AXDND1: variants seen among roughly 807,000 people sequenced by gnomAD.
AXDND1 encodes the protein axonemal dynein light chain domain containing 1, also known as axonemal dynein light chain domain-containing protein 1.
AXDND1 carries 110 observed loss-of-function variants against 137.5 expected under a neutral mutation model. The ratio of observed to expected loss-of-function variants is 0.80; its 90% CI spans 0.69 to 0.94. The LOEUF is 0.94. Among genes scored for constraint, AXDND1 ranks in the 40% least tolerant of loss-of-function variants. The pLI is 0.00. For missense variants in AXDND1, 1,191 were observed against 1,169.8 expected, an observed-to-expected ratio of 1.02 and a Z score of -0.26; for synonymous variants, 414 against 399.7, an observed-to-expected ratio of 1.04 and a Z score of -0.43.
chr1:179,481,781 C>T (rs561831045), intron 17 of AXDND1, among the ~76,000 whole-genome samples: 15 of 152,202 alleles, frequency 9.9e-5, no homozygotes, highest in Non-Finnish European at 1.8e-4. Context: ...CATAAATTAT[C>T]TATTGTTTTC....
chr1:179,418,005 T>TTTA (rs1558148039), intron 12 of AXDND1, among the ~76,000 whole-genome samples: 123 of 150,558 alleles, frequency 8.2e-4, no homozygotes, highest in African/African-American at 1.8e-3. Flanking sequence ...TTATTTATTT[T>TTTA]TTTATTGATC....
intron 20 of AXDND1, among the ~76,000 whole-genome samples, chr1:179,494,654 A>C (rs1447745620): frequency 6.6e-6 from 1 of 152,036 alleles, no homozygotes; most frequent in Non-Finnish European, 1.5e-5. Context: ...GATTACAGAC[A>C]TGAACCTCAT....
rs374781178 is a variant in AXDND1 at position 179,413,119 on chromosome 1, AC to A, written c.1230+1854del. 2.2e-4 allele frequency among the ~76,000 whole-genome samples: 33 copies of A among 152,326 alleles called. No individual in the cohort carries two copies. In the South Asian group the frequency reaches 6.2e-3, roughly 29 times the overall value. On this transcript the variant is annotated intron_variant, in intron 12 of 25. Coordinates refer to ENST00000367618, the MANE Select transcript of AXDND1 (RefSeq NM_144696.6). ...GAAGTACAATTGATATACAAAAAAA[AC>A]AAATCCACACATGTTTAATATATTC... is the stretch of plus-strand genomic sequence containing the variant.
At chr1:179,369,799 A>G (rs974355048) in intron 3 of AXDND1, among the ~76,000 whole-genome samples, 176 bp from the exon 4 acceptor site, 1 of 152,190 alleles carries the variant, frequency 6.6e-6, no homozygotes, top group Admixed American at 6.5e-5. Context: ...TTCACTCACT[A>G]TAGAATTATT....
At chr1:179,488,634 C>CTCTCTCTTT (rs376189496) in intron 18 of AXDND1, among the ~76,000 whole-genome samples, 11 of 105,172 alleles carry the variant, frequency 1.0e-4, no homozygotes, top group Admixed American at 2.0e-4. Flanking sequence ...CTCTCTCTCT[C>CTCTCTCTTT]CTTTCTTTCT....
At chr1:179,435,602 C>T (rs978237150) in intron 15 of AXDND1, among the ~76,000 whole-genome samples, 2 of 152,164 alleles carry the variant, frequency 1.3e-5, no homozygotes, top group African/African-American at 2.4e-5. Context: ...GGAAAAGGTT[C>T]TGTTTAATAA....
chr1:179,453,145 T>A (rs1660784660), intron 16 of AXDND1: 2 of 152,258 alleles, frequency 1.3e-5, no homozygotes, highest in Non-Finnish European at 2.9e-5. Flanking sequence ...AACGCCTGGA[T>A]GCCCAGGCAG....
chr1:179,503,676 G>T (rs1668247636), intron 20 of AXDND1, among the ~76,000 whole-genome samples: 1 of 151,894 alleles, frequency 6.6e-6, no homozygotes, highest in Non-Finnish European at 1.5e-5. Context: ...TTAGCATTAG[G>T]TATATTTCCT....
intron 12 of AXDND1, among the ~76,000 whole-genome samples, chr1:179,417,711 C>T (rs1485575807): frequency 6.6e-6 from 1 of 151,564 alleles, no homozygotes; most frequent in Non-Finnish European, 1.5e-5. Context: ...TTTGTGGTTC[C>T]ATATAGATTT....
intron 12 of AXDND1, among the ~76,000 whole-genome samples, chr1:179,417,483 T>C (rs775528872): frequency 6.6e-5 from 10 of 152,198 alleles, no homozygotes; most frequent in South Asian, 2.1e-4. Flanking sequence ...TAGTTTCAGG[T>C]CTTAGAATTA....
intron 16 of AXDND1, chr1:179,447,957 C>G (rs1407194316): frequency 7.9e-6 from 11 of 1,400,318 alleles, no homozygotes; most frequent in African/African-American, 4.2e-5. Flanking sequence ...AGCTGGCTGC[C>G]AAAGATGGTG....
At chr1:179,435,718 C>A (rs1173418152) in intron 15 of AXDND1, among the ~76,000 whole-genome samples, 1 of 151,874 alleles carries the variant, frequency 6.6e-6, no homozygotes, top group Non-Finnish European at 1.5e-5. Flanking sequence ...ACTTTAAAAT[C>A]CCAAACAATA....
chr1:179,526,921 T>C (rs924483653), intron 22 of AXDND1, among the ~76,000 whole-genome samples: 6 of 152,166 alleles, frequency 3.9e-5, no homozygotes, highest in African/African-American at 1.4e-4. Context: ...AAAAAGGCAT[T>C]CTCAGTTTAA....
At chr1:179,475,184 C>A (rs150162068) in intron 17 of AXDND1, among the ~76,000 whole-genome samples, 8 of 152,336 alleles carry the variant, frequency 5.3e-5, no homozygotes, top group African/African-American at 9.6e-5. Context: ...TCTGCTAGGG[C>A]AGTACGAAAG....
rs533822595 is a variant in AXDND1 at position 179,377,984 on chromosome 1, C to T, written c.375-653C>T. ...AGGAGTTTGAGACCAGCGTGGCCAA[C>T]GTGGCAAAACCCCATCTCTACTAAA... On this transcript the variant is annotated intron_variant, in intron 4 of 25. Coordinates refer to ENST00000367618, the MANE Select transcript of AXDND1 (RefSeq NM_144696.6). Among the ~76,000 whole-genome samples, 13 of 152,168 alleles carry T rather than the reference C, an allele frequency of 8.5e-5. No individual in the cohort carries two copies. In the South Asian group the frequency reaches 2.1e-3, roughly 24 times the overall value.
intron 8 of AXDND1, among the ~76,000 whole-genome samples, chr1:179,384,468 T>A (rs1571576845): frequency 1.3e-5 from 2 of 152,350 alleles, no homozygotes; most frequent in East Asian, 3.9e-4. Context: ...ATTGTCTCTG[T>A]AATGGCTTTT....
chr1:179,516,580 A>G (rs1448863383), intron 21 of AXDND1, among the ~76,000 whole-genome samples: 1 of 152,142 alleles, frequency 6.6e-6, no homozygotes, highest in Non-Finnish European at 1.5e-5. Context: ...TCATTTGGGT[A>G]GGCTCTGTCA....
At chr1:179,532,862 G>A (rs935344438) in intron 23 of AXDND1, 1 of 151,938 alleles carries the variant, frequency 6.6e-6, no homozygotes, top group Non-Finnish European at 1.5e-5. Context: ...TGTAGCCTGG[G>A]TGACAGAGCA....
At chr1:179,539,030 T>C (rs1671836438) in intron 25 of AXDND1, among the ~76,000 whole-genome samples, 1 of 152,202 alleles carries the variant, frequency 6.6e-6, no homozygotes, top group South Asian at 2.1e-4. Context: ...TTTTTTGTTT[T>C]CCATTTGCTT....
Sources: allele counts gnomAD v4.1 joint callset (sites outside exome capture counted in the v4.1 genomes callset), GRCh38; gene constraint gnomAD v4.1.1; transcripts MANE v1.5; gene names NCBI Gene and HGNC (gene_info 2026-07-23, HGNC 2026-07-21).